Variants in ZMYND12 observed in about 807,000 individuals in gnomAD.
ZMYND12 encodes zinc finger MYND-type containing 12, also known as zinc finger MYND domain-containing protein 12.
A neutral mutation model predicts 41.7 loss-of-function variants in ZMYND12; 32 were observed. That is an observed-to-expected ratio of 0.77 (90% confidence interval 0.58 to 1.03). ZMYND12 has a LOEUF of 1.03. ZMYND12 is among the 50% of genes least tolerant of loss of function. ZMYND12 has a pLI of 0.00. For missense variants in ZMYND12, 424 were observed against 438.5 expected (o/e 0.97, Z 0.30); for synonymous variants, 148 against 164.8 (o/e 0.90, Z 0.78).
chr1:42,440,869 T>C (rs1284393790), intron 3 of ZMYND12, among the ~76,000 whole-genome samples: 2 of 152,086 alleles, frequency 1.3e-5, no homozygotes, highest in Non-Finnish European at 2.9e-5. Context: ...GGTTTCACCA[T>C]GTTTGCCAGG....
chr1:42,431,128 G>A (rs1642844309), intron 7 of ZMYND12, among the ~76,000 whole-genome samples: 1 of 152,192 alleles, frequency 6.6e-6, no homozygotes, highest in South Asian at 2.1e-4. Flanking sequence ...GATCTTTGTA[G>A]GACCTTAATC....
chr1:42,451,212 G>A (rs1643080497), intron 1 of ZMYND12, among the ~76,000 whole-genome samples: 1 of 151,946 alleles, frequency 6.6e-6, no homozygotes, highest in African/African-American at 2.4e-5. Context: ...ACTGAGAGTG[G>A]GATACTGGAT....
chr1:42,438,605 C>G (rs1642931621), intron 4 of ZMYND12, among the ~76,000 whole-genome samples: 1 of 152,178 alleles, frequency 6.6e-6, no homozygotes, highest in African/African-American at 2.4e-5. Context: ...ATGCCTTCCA[C>G]TCTCCAAACC....
At position 42,436,485 on chromosome 1, in the gene ZMYND12, A is replaced by C; in HGVS notation, c.653T>G (p.Phe218Cys). 1 of 1,613,802 alleles carries C rather than the reference A, an allele frequency of 6.2e-7. No individual in the cohort carries two copies. Among genetic ancestry groups the C allele is most frequent in the Non-Finnish European group, 8.5e-7 (1 of 1,179,710 alleles). Residue 218 changes from phenylalanine to cysteine, a missense_variant, in exon 5 of 8, where the codon TTC becomes TGC. Phe to Cys is a radical substitution (Grantham distance 205, BLOSUM62 -2). Transcript: ENST00000372565. Reference protein sequence around the residue: ...TEDIRTSGGYFHLANIFYDLK... With the variant: ...TEDIRTSGGYCHLANIFYDLK... ...GTCATAGAATATATTAGCCAGGTGG[A>C]AGTAGCCTCCTGAAGTCCTAATGTC...
In ZMYND12 at chr1:42,436,556, G is replaced by A; in HGVS notation, c.595-13C>T. The A allele has an allele frequency of 6.2e-7, 1 of 1,610,330 alleles. No individual in the cohort carries two copies. Among genetic ancestry groups the A allele is most frequent in the Non-Finnish European group, 8.5e-7 (1 of 1,178,428 alleles). ...TGGCAAAATAAATCTATAGCAGAAG[G>A]AAGAAGGAGAGTGCTTGAGTTCCTT... On this transcript the variant is annotated splice_polypyrimidine_tract_variant and intron_variant, in intron 4 of 7. Transcript: ENST00000372565.
chr1:42,441,949 C>T (rs1009172568), intron 3 of ZMYND12, among the ~76,000 whole-genome samples: 4 of 152,262 alleles, frequency 2.6e-5, no homozygotes, highest in African/African-American at 7.2e-5. Flanking sequence ...CATTTTTAAT[C>T]ATTGTATTAT....
At chr1:42,440,918 T>C (rs1642961172) in intron 3 of ZMYND12, among the ~76,000 whole-genome samples, 1 of 152,148 alleles carries the variant, frequency 6.6e-6, no homozygotes, top group African/African-American at 2.4e-5. Flanking sequence ...TCCACCCACC[T>C]CGACCTCCCA....
At chr1:42,431,377 A>G (rs531160286) in intron 7 of ZMYND12, among the ~76,000 whole-genome samples, 1 of 152,122 alleles carries the variant, frequency 6.6e-6, no homozygotes, top group Non-Finnish European at 1.5e-5. Context: ...CTTACAGTGT[A>G]GTAGGGGAGA....
At chr1:42,455,842 AGAGG>A (rs769802107) in intron 1 of ZMYND12, 42 bp downstream of exon 1, 9 of 1,427,684 alleles carry the variant, frequency 6.3e-6, no homozygotes, top group African/African-American at 2.8e-5. Context: ...GGAAAGGGAG[AGAGG>A]GAGGGAGTTA....
chr1:42,432,917 TTATC>T (rs781143849), intron 7 of ZMYND12: 2 of 501,972 alleles, frequency 4.0e-6, no homozygotes, highest in Non-Finnish European at 6.8e-6. Flanking sequence ...CAGACTCTCT[TTATC>T]TATGCAAGAC....
At chr1:42,450,559 CT>C (rs1162981233) in intron 1 of ZMYND12, among the ~76,000 whole-genome samples, 1 of 152,116 alleles carries the variant, frequency 6.6e-6, no homozygotes, top group African/African-American at 2.4e-5. Context: ...ATTTTCCTTT[CT>C]TCTGCTAGCT....
intron 3 of ZMYND12, among the ~76,000 whole-genome samples, chr1:42,447,795 T>C (rs560320792): frequency 1.3e-5 from 2 of 152,288 alleles, no homozygotes; most frequent in African/African-American, 2.4e-5. Context: ...TTTTTTTAAA[T>C]GGTGGCCACC....
rs373429149 is a variant in ZMYND12 at position 42,430,728 on chromosome 1, A to G, written c.*8T>C. 1.5e-5 allele frequency: 24 copies of G among 1,613,756 alleles called. No homozygotes were observed. The highest frequency in any genetic ancestry group is 1.9e-5 in the Non-Finnish European group (23 of 1,179,762). On this transcript the variant is annotated 3_prime_UTR_variant, in exon 8 of 8. Coordinates refer to ENST00000372565, the MANE Select transcript of ZMYND12 (RefSeq NM_032257.5). ...TGGAATAACCCTTGATGCAGAGCTC[A>G]TGGGTCACTAAGTAATGGGATGGTC...
At chr1:42,431,941 A>C (rs1642857603) in intron 7 of ZMYND12, among the ~76,000 whole-genome samples, 1 of 152,088 alleles carries the variant, frequency 6.6e-6, no homozygotes, top group African/African-American at 2.4e-5. Flanking sequence ...GGAGGGAGGA[A>C]AGGAGTCTTA....
chr1:42,433,006 A>G (rs905694064), intron 7 of ZMYND12, 137 bp downstream of exon 7: 4 of 1,063,426 alleles, frequency 3.8e-6, no homozygotes, highest in African/African-American at 3.2e-5. Context: ...AAACATCGTG[A>G]GCATCTGAAC....
At chr1:42,432,337 C>CA (rs1294446871) in intron 7 of ZMYND12, among the ~76,000 whole-genome samples, 1 of 152,152 alleles carries the variant, frequency 6.6e-6, no homozygotes, top group East Asian at 1.9e-4. Flanking sequence ...ACTGGGAATA[C>CA]AGTCATGAGA....
At chr1:42,451,364 A>G (rs1643081667) in intron 1 of ZMYND12, among the ~76,000 whole-genome samples, 1 of 152,160 alleles carries the variant, frequency 6.6e-6, no homozygotes, top group South Asian at 2.1e-4. Context: ...ATGCATAGTC[A>G]TGGGTTTTTG....
At chr1:42,449,782 G>A (rs1407130582) in intron 2 of ZMYND12, 136 bp downstream of exon 2, 3 of 1,013,682 alleles carry the variant, frequency 3.0e-6, no homozygotes, top group Middle Eastern at 3.2e-4. Context: ...ATGGTGTTGA[G>A]GACTTAAAAA....
Position 42,452,600 on chromosome 1 carries a change from G to A in ZMYND12, c.111-2541C>T, listed in dbSNP as rs979258965. Among the ~76,000 whole-genome samples, 5 of 152,148 alleles carry A rather than the reference G, an allele frequency of 3.3e-5. No individual in the cohort carries two copies. The East Asian group carries it at 7.7e-4, about 23-fold the overall frequency. Reference sequence around the variant, plus strand: ...TCCCTGTAATCCCAGCTACTTGGGAGGCTGAGGCAAGAGAATTGCTTGAAC... The same window carrying A: ...TCCCTGTAATCCCAGCTACTTGGGAAGCTGAGGCAAGAGAATTGCTTGAAC... On this transcript the variant is annotated intron_variant, in intron 1 of 7. Transcript: ENST00000372565.
Sources: allele counts gnomAD v4.1 joint callset (sites outside exome capture counted in the v4.1 genomes callset), GRCh38; gene constraint gnomAD v4.1.1; transcripts MANE v1.5; gene names NCBI Gene and HGNC (gene_info 2026-07-23, HGNC 2026-07-21).